The following SBK1 variants were observed in gnomAD, a reference collection of about 807,000 sequenced individuals.
The protein encoded by SBK1 is serine/threonine-protein kinase SBK1.
SBK1 carries 11 observed loss-of-function variants against 24.4 expected under a neutral mutation model. That is an observed-to-expected ratio of 0.45 (90% CI 0.28 to 0.75). The LOEUF is 0.75. Among genes scored for constraint, SBK1 ranks in the 30% least tolerant of loss-of-function variants. The probability of loss-of-function intolerance (pLI) is 0.12; values close to 1 mark genes in which losing one functional copy is unlikely to be tolerated. For missense variants in SBK1, 467 were observed against 620.5 expected, an observed-to-expected ratio of 0.75 and a Z score of 2.63; for synonymous variants, 308 against 284.4, an observed-to-expected ratio of 1.08 and a Z score of -0.83.
Position 28,319,161 on chromosome 16 carries a change from A to G in SBK1, c.393A>G (p.Ala131=), listed in dbSNP as rs1156404359. The G allele has an allele frequency of 5.0e-6, 8 of 1,613,300 alleles. No individual in the cohort carries two copies. The highest frequency in any genetic ancestry group is 1.3e-5 in the African/African-American group (1 of 74,648). Residue 131 remains alanine (A), a synonymous_variant, in exon 3 of 4, where the codon GCA becomes GCG. Transcript: ENST00000341901. This position sits in a 1 kb window ranked among gnomAD's most constrained non-coding sequence, Gnocchi z 4.0. ...GCTACGTCTTTGCCCAGGAGTACGCACCTGCTGGGGACCTGTTTGACATCA... is the reference window on the plus strand; with the variant it reads ...GCTACGTCTTTGCCCAGGAGTACGCGCCTGCTGGGGACCTGTTTGACATCA... ...EDCYVFAQEY[A]PAGDLFDIIP...
chr16:28,260,568 G>T (rs1285068847), intron 1 of SBK1, among the ~76,000 whole-genome samples: 1 of 152,252 alleles, frequency 6.6e-6, no homozygotes, highest in Non-Finnish European at 1.5e-5. Context: ...CCTGGGCTGG[G>T]TTCCTCCCTG....
chr16:28,317,593 G>A lies in SBK1; in HGVS notation c.202G>A (p.Asp68Asn). Residue 68 changes from aspartate (D) to asparagine (N), a missense_variant, in exon 2 of 4, where the codon GAC becomes AAC. Around this residue, in one of 4 missense-constraint regions of SBK1, gnomAD observed 123 missense variants for 158.2 expected, o/e 0.78. Coordinates refer to ENST00000341901, the MANE Select transcript of SBK1 (RefSeq NM_001024401.3). The surrounding 1 kb of genome is among the most constrained non-coding windows in gnomAD (Gnocchi z 4.2). ...ELGKGTYGKV[D>N]LVVYKGTGTK... ...GGGCAAAGGCACCTATGGGAAGGTTGACCTGGTGGTCTACAAGGGCACAGG... is the reference window on the plus strand; with the variant it reads ...GGGCAAAGGCACCTATGGGAAGGTTAACCTGGTGGTCTACAAGGGCACAGG... The A allele has an allele frequency of 6.2e-7, 1 of 1,613,738 alleles. No individual in the cohort carries two copies. The highest frequency in any genetic ancestry group is 8.5e-7 in the Non-Finnish European group (1 of 1,179,674).
intron 1 of SBK1, among the ~76,000 whole-genome samples, chr16:28,312,184 G>A (rs2044758690): frequency 6.6e-6 from 1 of 152,228 alleles, no homozygotes; most frequent in African/African-American, 2.4e-5. Flanking sequence ...AAAGAGGGCT[G>A]CGTGCTCATC....
chr16:28,262,004 G>A (rs1401572435), intron 1 of SBK1, among the ~76,000 whole-genome samples: 1 of 152,200 alleles, frequency 6.6e-6, no homozygotes, highest in Non-Finnish European at 1.5e-5. Flanking sequence ...TTAAGACCTG[G>A]GAGGGGACAG....
chr16:28,288,476 T>A (rs1278200571), upstream of SBK1, among the ~76,000 whole-genome samples: 1 of 152,196 alleles, frequency 6.6e-6, no homozygotes, highest in African/African-American at 2.4e-5. Context: ...GGGAGATTAG[T>A]GGAACATGCT....
In SBK1 at chr16:28,320,325, GGGC is replaced by G. The variant is rs1343973479; in HGVS notation, c.680_682del (p.Gly227_Leu228delinsVal). On this transcript the variant is annotated inframe_deletion, in exon 4 of 4. Transcript: ENST00000341901. The surrounding 1 kb of genome is among the most constrained non-coding windows in gnomAD (Gnocchi z 8.5). ...GGTGTGCCAGGCGGGCCGCGCCGAC[GGGC>G]TGGCGGTGGACACGGGCGTGGACGT... 1 of 1,591,780 alleles carries G rather than the reference GGGC, an allele frequency of 6.3e-7. No homozygotes were observed. Among genetic ancestry groups the G allele is most frequent in the Non-Finnish European group, 8.5e-7 (1 of 1,175,374 alleles).
At chr16:28,293,590 TC>T (rs35119371) in intron 1 of SBK1, among the ~76,000 whole-genome samples, 18,354 of 138,362 alleles carry the variant, frequency 0.13, 1,518 homozygotes, top group African/African-American at 0.24. Context: ...GGGCGGAGAG[TC>T]CCCCCCCAAA....
chr16:28,322,931 C>CCTCTCCCTCTCT lies in SBK1; in HGVS notation c.*2015_*2016insCCTCTCTCTCTC, dbSNP rs2044866360. ...CTCTCTCGCGCGCGCTCTCTCTCTC[C>CCTCTCCCTCTCT]CTCTCTCTCTCTCTCTCTCTCTCTC... On this transcript the variant is annotated 3_prime_UTR_variant, in exon 4 of 4. Coordinates refer to ENST00000341901, the MANE Select transcript of SBK1 (RefSeq NM_001024401.3). 1.8e-5 allele frequency: 1 copy of CCTCTCCCTCTCT among 55,352 alleles called. No homozygotes were observed. The highest frequency in any genetic ancestry group is 8.2e-5 in the African/African-American group (1 of 12,188). 3.4% of individuals were successfully genotyped at this position (55,352 alleles called of 1,614,324 possible). A position where few individuals can be genotyped will look rare whatever the true frequency, so the allele number is the denominator to read the frequency against.
At chr16:28,284,489 C>T (rs1020466686) in intron 1 of SBK1, among the ~76,000 whole-genome samples, 2 of 152,220 alleles carry the variant, frequency 1.3e-5, no homozygotes, top group Admixed American at 6.5e-5. Context: ...GCAATGGCCT[C>T]GTCCCAGTCC....
At chr16:28,280,649 C>T (rs1339586388) in intron 1 of SBK1, among the ~76,000 whole-genome samples, 1 of 148,968 alleles carries the variant, frequency 6.7e-6, no homozygotes, top group Non-Finnish European at 1.5e-5. Context: ...CTGACAGTAA[C>T]TTCATTTATT....
At chr16:28,281,587 G>T (rs2044533599) in intron 1 of SBK1, among the ~76,000 whole-genome samples, 1 of 152,148 alleles carries the variant, frequency 6.6e-6, no homozygotes, top group South Asian at 2.1e-4. Context: ...GGGTGGTTAG[G>T]GCCTGGACTC....
At chr16:28,286,041 C>T (rs777690126) in intron 1 of SBK1, 4 of 152,256 alleles carry the variant, frequency 2.6e-5, no homozygotes, top group Admixed American at 2.6e-4. Flanking sequence ...TGTGCTGGGG[C>T]ACTGTTTCTC....
chr16:28,305,821 A>AT (rs2044712866), intron 1 of SBK1, among the ~76,000 whole-genome samples: 2 of 152,180 alleles, frequency 1.3e-5, no homozygotes, highest in Non-Finnish European at 2.9e-5. Context: ...GATTACAGGC[A>AT]TGAGCTACCG....
At chr16:28,309,828 G>A (rs1286933729) in intron 1 of SBK1, among the ~76,000 whole-genome samples, 1 of 152,176 alleles carries the variant, frequency 6.6e-6, no homozygotes, top group African/African-American at 2.4e-5. Flanking sequence ...CACCATGTAG[G>A]TCTGTGTATA....
At chr16:28,270,399 A>G (rs1353909088) in intron 1 of SBK1, among the ~76,000 whole-genome samples, 1 of 125,660 alleles carries the variant, frequency 8.0e-6, no homozygotes, top group Non-Finnish European at 1.6e-5. Context: ...AATTATTTTC[A>G]GCCTAGAATT....
At chr16:28,280,149 A>ATATGTGTGTGTGTGTG (rs1230385223) in intron 1 of SBK1, among the ~76,000 whole-genome samples, 4 of 39,416 alleles carry the variant, frequency 1.0e-4, no homozygotes, top group African/African-American at 1.6e-4. Flanking sequence ...ATATATATAT[A>ATATGTGTGTGTGTGTG]TGTGTGTGTG....
chr16:28,321,858 C>G lies in SBK1; in HGVS notation c.*937C>G, dbSNP rs553207459. 1 of 152,412 alleles carries G rather than the reference C, an allele frequency of 6.6e-6. No homozygotes were observed. Among genetic ancestry groups the G allele is most frequent in the Non-Finnish European group, 1.5e-5 (1 of 68,144 alleles). The allele number at this position is 152,412 out of a possible 1,614,324, so 9.4% of individuals were successfully genotyped here. On this transcript the variant is annotated 3_prime_UTR_variant, in exon 4 of 4. Transcript: ENST00000341901. ...CCCTGCCAGCCGCACTGTCCCAGGC[C>G]CAGGGACCTCTGCCGGGTCCTCCCA...
rs2044834459 is a variant in SBK1 at position 28,320,703 on chromosome 16, C to A, written c.1057C>A (p.Arg353=). The A allele has an allele frequency of 5.4e-6, 6 of 1,107,128 alleles. No individual in the cohort carries two copies. Among genetic ancestry groups the A allele is most frequent in the Non-Finnish European group, 3.3e-6 (3 of 906,534 alleles). The allele number at this position is 1,107,128 out of a possible 1,614,324, so 68.6% of individuals were successfully genotyped here. Reference sequence around the variant, plus strand: ...CCTCGAGGCGCCTGGGCCGCTCAAGCGGACGGTGCTGACCGAGAGCGGCAG... The same window carrying A: ...CCTCGAGGCGCCTGGGCCGCTCAAGAGGACGGTGCTGACCGAGAGCGGCAG... ...LRLEAPGPLK[R]TVLTESGSGS... is the part of the protein sequence containing the mutation. Residue 353 remains arginine (R), a synonymous_variant, in exon 4 of 4, where the codon CGG becomes AGG. Transcript: ENST00000341901. The surrounding 1 kb of genome is among the most constrained non-coding windows in gnomAD (Gnocchi z 8.5).
chr16:28,287,286 C>CAAAAAAAAAAAAAAAAAA (rs56232453), intron 1 of SBK1, among the ~76,000 whole-genome samples: 8 of 124,836 alleles, frequency 6.4e-5, no homozygotes, highest in East Asian at 2.3e-4. Context: ...ACTAAAAATA[C>CAAAAAAAAAAAAAAAAAA]AAAAAAAAAA....
Sources: gnomAD v4.1 joint callset for allele counts (sites outside exome capture counted in the v4.1 genomes callset) on GRCh38, gnomAD v4.1.1 for gene constraint, gnomAD v4.1.1 regional missense constraint, Gnocchi (gnomAD v3.1) non-coding constraint, MANE v1.5 for transcripts, NCBI Gene and HGNC (gene_info 2026-07-23, HGNC 2026-07-21) for gene names.